The following KRT8 variants were observed in gnomAD, a reference collection of about 807,000 sequenced individuals.
The protein encoded by KRT8 is keratin, type II cytoskeletal 8.
In KRT8, 24 loss-of-function variants were observed where a neutral mutation model predicts 43.0. The ratio of observed to expected loss-of-function variants is 0.56; its 90% CI spans 0.40 to 0.78. KRT8 has a LOEUF of 0.78. KRT8 is among the 30% of genes least tolerant of loss of function. The probability of loss-of-function intolerance (pLI) is 0.00; values close to 1 mark genes in which losing one functional copy is unlikely to be tolerated. For synonymous variants in KRT8, 214 were observed against 261.2 expected (o/e 0.82, Z 1.74); for missense variants, 492 against 638.4 (o/e 0.77, Z 2.47).
At position 52,918,154 on chromosome 12, in the gene KRT8, G is replaced by A. The variant is rs115825250; in HGVS notation, c.-46-13127C>T. ...AGGAGGGGGAGAGGGAGAGGGAGAAGGGGAAGAAGAAGAAGAAGAGGAAGA... is the reference window on the plus strand; with the variant it reads ...AGGAGGGGGAGAGGGAGAGGGAGAAAGGGAAGAAGAAGAAGAAGAGGAAGA... On this transcript the variant is annotated intron_variant, in intron 2 of 6. Transcript: ENST00000546826. Among the ~76,000 whole-genome samples the A allele has an allele frequency of 7.4e-3, 1,018 of 137,962 alleles. 29 individuals are homozygous for A. Among genetic ancestry groups the A allele is most frequent in the African/African-American group, 0.028 (978 of 35,116 alleles). 90.5% of individuals were successfully genotyped at this position (137,962 alleles called of 152,430 possible).
chr12:52,934,903 A>C (rs955896734), intron 2 of KRT8, among the ~76,000 whole-genome samples: 1 of 151,964 alleles, frequency 6.6e-6, no homozygotes, highest in Non-Finnish European at 1.5e-5. Flanking sequence ...CGGGAGGCAG[A>C]GGTTGCAGTG....
chr12:52,926,332 G>GGCCCACCCCCCC, intron 2 of KRT8: 2 of 600,270 alleles, frequency 3.3e-6, no homozygotes, highest in Non-Finnish European at 6.1e-6. Context: ...GGCACTAGCT[G>GGCCCACCCCCCC]CCCTCCCCAC....
At chr12:52,918,174 G>GAA (rs1941794478) in intron 2 of KRT8, among the ~76,000 whole-genome samples, 1 of 33,094 alleles carries the variant, frequency 3.0e-5, no homozygotes, top group African/African-American at 1.6e-4. Context: ...AAGAAGAAGA[G>GAA]GAAGAGGAAG....
intron 2 of KRT8, among the ~76,000 whole-genome samples, chr12:52,917,981 A>G (rs554565642): frequency 1.3e-5 from 2 of 148,790 alleles, no homozygotes; most frequent in South Asian, 4.3e-4. Flanking sequence ...AAGAGGAAGA[A>G]GAAGAAGAAG....
At chr12:52,902,305 A>T (rs1941392276) in intron 1 of KRT8, 4 of 564,932 alleles carry the variant, frequency 7.1e-6, no homozygotes, top group Non-Finnish European at 1.3e-5. Flanking sequence ...GGAGACAGGT[A>T]AGGTAATTAT....
intron 2 of KRT8, among the ~76,000 whole-genome samples, chr12:52,932,331 C>T (rs1942098029): frequency 6.6e-6 from 1 of 151,786 alleles, no homozygotes; most frequent in African/African-American, 2.4e-5. Flanking sequence ...TCGTGATCCA[C>T]CCACCTCTGC....
chr12:52,924,405 C>CAT, intron 2 of KRT8, among the ~76,000 whole-genome samples: 1 of 150,522 alleles, frequency 6.6e-6, no homozygotes, highest in Non-Finnish European at 1.5e-5. Flanking sequence ...GCTGAGATTG[C>CAT]GCCACTGCAC....
chr12:52,902,134 A>T, intron 1 of KRT8, 62 bp from the exon 2 acceptor site: 1 of 993,440 alleles, frequency 1.0e-6, no homozygotes, highest in East Asian at 2.4e-5. Context: ...GTCTGGAGGA[A>T]AGCAAGCAGT....
upstream of KRT8, among the ~76,000 whole-genome samples, chr12:52,908,407 A>G (rs1273991986): frequency 6.6e-6 from 1 of 152,158 alleles, no homozygotes; most frequent in African/African-American, 2.4e-5. Flanking sequence ...TGGGAACAAA[A>G]CAAATGTCCA....
At chr12:52,905,493 A>G (rs1436453095), upstream of KRT8, among the ~76,000 whole-genome samples, 1 of 152,126 alleles carries the variant, frequency 6.6e-6, no homozygotes, top group African/African-American at 2.4e-5. Context: ...CCGACACCCC[A>G]GAGAAACTCT....
chr12:52,918,165 A>AGAGGGAGAG (rs1248824600), intron 2 of KRT8, among the ~76,000 whole-genome samples: 1 of 127,622 alleles, frequency 7.8e-6, no homozygotes, highest in Non-Finnish European at 1.7e-5. Flanking sequence ...GGGAAGAAGA[A>AGAGGGAGAG]GAAGAAGAGG....
At chr12:52,949,735 C>T (rs1565737837) in exon 1 of KRT8, 1 of 773,478 alleles carries the variant, frequency 1.3e-6, no homozygotes. Context: ...ATCCGCGCAC[C>T]TAGCCACAGG....
chr12:52,949,118 G>A, intron 2 of KRT8: 1 of 1,358,632 alleles, frequency 7.4e-7, no homozygotes. Flanking sequence ...GCTCGCGCAG[G>A]CCGCCACCGT....
intron 2 of KRT8, among the ~76,000 whole-genome samples, chr12:52,940,432 CAAAAAAA>C (rs959352157): frequency 9.8e-5 from 5 of 50,810 alleles, no homozygotes; most frequent in Non-Finnish European, 1.7e-4. Flanking sequence ...GACTCAGTCT[CAAAAAAA>C]AAAAAAAAAA....
chr12:52,937,786 C>T (rs969121715), intron 2 of KRT8, among the ~76,000 whole-genome samples: 2 of 151,218 alleles, frequency 1.3e-5, no homozygotes, highest in Non-Finnish European at 2.9e-5. Flanking sequence ...CACCTGAGGT[C>T]AGGAGTTTGA....
intron 2 of KRT8, among the ~76,000 whole-genome samples, chr12:52,918,507 T>A (rs1378757138): frequency 6.6e-6 from 1 of 152,120 alleles, no homozygotes; most frequent in Non-Finnish European, 1.5e-5. Flanking sequence ...GCCGCGCAGG[T>A]GCAGCTGCCC....
chr12:52,926,572 C>G, intron 2 of KRT8: 1 of 957,872 alleles, frequency 1.0e-6, no homozygotes, highest in South Asian at 1.5e-5. Context: ...TTGTTACACC[C>G]CTGGGCTGGG....
chr12:52,907,288 G>A (rs971175815), upstream of KRT8, among the ~76,000 whole-genome samples: 1 of 152,192 alleles, frequency 6.6e-6, no homozygotes, highest in African/African-American at 2.4e-5. Context: ...GAAGACCAAA[G>A]GGAGAAGGAC....
chr12:52,910,354 A>C (rs1941610371), upstream of KRT8, among the ~76,000 whole-genome samples: 1 of 152,246 alleles, frequency 6.6e-6, no homozygotes, highest in South Asian at 2.1e-4. Context: ...CAAGACCTTT[A>C]GGAACACACT....
Sources: gnomAD v4.1 joint callset for allele counts (sites outside exome capture counted in the v4.1 genomes callset) on GRCh38, gnomAD v4.1.1 for gene constraint, MANE v1.5 for transcripts, NCBI Gene and HGNC (gene_info 2026-07-23, HGNC 2026-07-21) for gene names.